The following MGST1 variants were observed in gnomAD, a reference collection of about 807,000 sequenced individuals.
The protein encoded by MGST1 is microsomal glutathione S-transferase 1.
MGST1 carries 5 observed loss-of-function variants against 8.9 expected under a neutral mutation model. The ratio of observed to expected loss-of-function variants is 0.56; its 90% CI spans 0.29 to 1.19. MGST1 has a LOEUF of 1.19. Among genes scored for constraint, MGST1 ranks in the 50% most tolerant of loss-of-function variants. The probability of loss-of-function intolerance (pLI) is 0.08; values close to 1 mark genes in which losing one functional copy is unlikely to be tolerated. For synonymous variants in MGST1, 54 were observed against 67.8 expected, an observed-to-expected ratio of 0.80 and a Z score of 1.00; for missense variants, 182 against 187.4, an observed-to-expected ratio of 0.97 and a Z score of 0.17.
rs1939981519 is a variant in MGST1, at chr12:16,361,227, C to T, written c.222-2568C>T. The stretch of plus-strand genomic sequence containing the variant: ...CTGAGATGAGGGCGTCAGGAAAAGC[C>T]TGCTGTGCAGCTCCTTTTGTAGTTG... On this transcript the variant is annotated intron_variant, in intron 3 of 3. Coordinates refer to ENST00000396210, the MANE Select transcript of MGST1 (RefSeq NM_020300.5). This position sits in a 1 kb window ranked among gnomAD's most constrained non-coding sequence, Gnocchi z 4.2. 6.6e-6 allele frequency among the ~76,000 whole-genome samples: 1 copy of T among 152,158 alleles called. No homozygotes were observed. The highest frequency in any genetic ancestry group is 2.4e-5 in the African/African-American group (1 of 41,454).
At chr12:16,501,098 GAAAAAAAAAA>G (rs71054822) in intron 4 of MGST1, among the ~76,000 whole-genome samples, 1 of 83,822 alleles carries the variant, frequency 1.2e-5, no homozygotes, top group African/African-American at 5.4e-5. Flanking sequence ...ACTCTGTCTC[GAAAAAAAAAA>G]AAAAAAAAAA....
chr12:16,456,251 C>T (rs183558079), intron 4 of MGST1, among the ~76,000 whole-genome samples: 2 of 151,692 alleles, frequency 1.3e-5, no homozygotes, highest in African/African-American at 2.4e-5. Context: ...TGGAGAAAGT[C>T]GATAGCTAAT....
At chr12:16,451,632 T>G (rs1591732647) in intron 4 of MGST1, among the ~76,000 whole-genome samples, 1 of 152,012 alleles carries the variant, frequency 6.6e-6, no homozygotes, top group African/African-American at 2.4e-5. Context: ...GTCTTTAAAC[T>G]ATATGATATA....
In MGST1 at chr12:16,481,178, C is replaced by T. The variant is rs182276721; in HGVS notation, n.482+97574C>T. Reference sequence around the variant, plus strand: ...CTCACTTACTGAGAATTAATAATAACATCTCTGTCCTTAAATGTGTTGATG... The same window carrying T: ...CTCACTTACTGAGAATTAATAATAATATCTCTGTCCTTAAATGTGTTGATG... On this transcript the variant is annotated intron_variant and non_coding_transcript_variant, in intron 4 of 4. Coordinates refer to the MGST1 transcript ENST00000538857. Among the ~76,000 whole-genome samples, 567 of 152,264 alleles carry T rather than the reference C, an allele frequency of 3.7e-3. 3 individuals are homozygous for T. Among genetic ancestry groups the T allele is most frequent in the African/African-American group, 0.013 (533 of 41,542 alleles).
intron 4 of MGST1, among the ~76,000 whole-genome samples, chr12:16,505,834 G>T (rs1941534863): frequency 6.6e-6 from 1 of 152,088 alleles, no homozygotes; most frequent in Non-Finnish European, 1.5e-5. Context: ...CCCTTAGAAG[G>T]CAGACAACGA....
downstream of MGST1, among the ~76,000 whole-genome samples, chr12:16,380,513 T>G (rs570454907): frequency 6.6e-6 from 1 of 152,310 alleles, no homozygotes; most frequent in East Asian, 1.9e-4. Flanking sequence ...AGAGACAGTT[T>G]GTTATAATTT....
At chr12:16,436,298 T>C (rs1369011119) in intron 1 of MGST1, among the ~76,000 whole-genome samples, 2 of 151,936 alleles carry the variant, frequency 1.3e-5, no homozygotes, top group Non-Finnish European at 2.9e-5. Flanking sequence ...GCAGGCCCTG[T>C]CCTCAAGCAT....
chr12:16,449,364 A>G (rs967895995), intron 4 of MGST1, among the ~76,000 whole-genome samples: 1 of 151,846 alleles, frequency 6.6e-6, no homozygotes, highest in Non-Finnish European at 1.5e-5. Context: ...GGATGGTGCT[A>G]AATCATTCAT....
At chr12:16,430,718 G>A (rs1008291212) in intron 1 of MGST1, among the ~76,000 whole-genome samples, 5 of 152,084 alleles carry the variant, frequency 3.3e-5, no homozygotes, top group African/African-American at 1.2e-4. Flanking sequence ...TTCATTTATA[G>A]ATCATAGACA....
At chr12:16,427,274 A>T (rs187819876) in intron 1 of MGST1, among the ~76,000 whole-genome samples, 3 of 152,300 alleles carry the variant, frequency 2.0e-5, no homozygotes, top group African/African-American at 7.2e-5. Context: ...GGAATGATCT[A>T]TGTAAACAGG....
intron 1 of MGST1, among the ~76,000 whole-genome samples, chr12:16,384,062 C>T (rs781046709): frequency 2.6e-5 from 4 of 151,888 alleles, no homozygotes; most frequent in Non-Finnish European, 5.9e-5. Flanking sequence ...TGAAAAGGGA[C>T]AAAAAGTAGA....
At chr12:16,426,401 C>G (rs373937891) in intron 1 of MGST1, among the ~76,000 whole-genome samples, 2 of 152,140 alleles carry the variant, frequency 1.3e-5, no homozygotes, top group African/African-American at 4.8e-5. Context: ...TTGATTCTTC[C>G]AGTTGAAATT....
At chr12:16,448,353 T>C (rs950094114) in intron 4 of MGST1, among the ~76,000 whole-genome samples, 2 of 151,768 alleles carry the variant, frequency 1.3e-5, no homozygotes, top group African/African-American at 4.8e-5. Context: ...AAGTGTTGGG[T>C]TTCAGCCTAA....
intron 4 of MGST1, among the ~76,000 whole-genome samples, chr12:16,452,731 A>T (rs1389694501): frequency 5.3e-5 from 8 of 151,896 alleles, no homozygotes; most frequent in African/African-American, 1.9e-4. Flanking sequence ...ACTTATTTAA[A>T]CTAAAAAATG....
At chr12:16,365,746 C>CACAT (rs1565439927), downstream of MGST1, among the ~76,000 whole-genome samples, 7 of 109,034 alleles carry the variant, frequency 6.4e-5, no homozygotes, top group African/African-American at 3.0e-4. Flanking sequence ...TGCACGCGCA[C>CACAT]ACACACACAC....
At chr12:16,391,327 C>G (rs1395947205) in intron 1 of MGST1, among the ~76,000 whole-genome samples, 2 of 151,320 alleles carry the variant, frequency 1.3e-5, no homozygotes, top group African/African-American at 2.4e-5. Flanking sequence ...TCCCCCCACC[C>G]CCCGACAGGC....
chr12:16,433,236 G>T (rs1399280591), intron 1 of MGST1, among the ~76,000 whole-genome samples: 2 of 152,012 alleles, frequency 1.3e-5, no homozygotes, highest in South Asian at 2.1e-4. Context: ...TTTCTATTCT[G>T]GTTGTGCTGG....
chr12:16,415,293 G>A (rs566637170), intron 1 of MGST1, among the ~76,000 whole-genome samples: 1 of 152,120 alleles, frequency 6.6e-6, no homozygotes, highest in Non-Finnish European at 1.5e-5. Context: ...ATTTCCATAG[G>A]GAGGAGGGGT....
intron 1 of MGST1, chr12:16,399,641 C>T: frequency 1.9e-6 from 3 of 1,603,546 alleles, no homozygotes; most frequent in Non-Finnish European, 2.6e-6. Flanking sequence ...CATCACTCCC[C>T]TCATCGTCAG....
Sources: gnomAD v4.1 joint callset for allele counts (sites outside exome capture counted in the v4.1 genomes callset) on GRCh38, gnomAD v4.1.1 for gene constraint, Gnocchi (gnomAD v3.1) non-coding constraint, MANE v1.5 for transcripts, NCBI Gene and HGNC (gene_info 2026-07-23, HGNC 2026-07-21) for gene names.